Variants in PPP2R5C observed in about 807,000 individuals in gnomAD.
PPP2R5C encodes protein phosphatase 2 regulatory subunit B'gamma.
In PPP2R5C, 7 loss-of-function variants were observed where a neutral mutation model predicts 68.9. The observed-to-expected ratio is 0.10, with a 90% CI of 0.06 to 0.19. The LOEUF (loss-of-function observed/expected upper bound fraction) is 0.19. PPP2R5C is among the 10% of genes least tolerant of loss of function. PPP2R5C has a pLI of 1.00. For synonymous variants in PPP2R5C, 210 were observed against 222.2 expected, an observed-to-expected ratio of 0.95 and a Z score of 0.49; for missense variants, 348 against 641.3, an observed-to-expected ratio of 0.54 and a Z score of 4.94.
chr14:101,817,598 A>C (rs1049544656), intron 1 of PPP2R5C, among the ~76,000 whole-genome samples: 6 of 152,178 alleles, frequency 3.9e-5, no homozygotes, highest in Non-Finnish European at 5.9e-5. Context: ...AAGATAAGAT[A>C]AAACCAAAGT....
chr14:101,767,005 G>A (rs1005940490), intron 2 of PPP2R5C: 1 of 152,142 alleles, frequency 6.6e-6, no homozygotes, highest in African/African-American at 2.4e-5. Context: ...AAAGTGATTC[G>A]TTTTAAGCAC....
At chr14:101,841,434 C>T (rs951684562) in intron 1 of PPP2R5C, among the ~76,000 whole-genome samples, 10 of 152,188 alleles carry the variant, frequency 6.6e-5, no homozygotes, top group Non-Finnish European at 1.5e-4. Flanking sequence ...CTCTAGAGGA[C>T]AGCCTGTGGA....
chr14:101,856,522 T>C (rs565416347), intron 1 of PPP2R5C, among the ~76,000 whole-genome samples, 164 bp from the exon 4 acceptor site: 1 of 149,338 alleles, frequency 6.7e-6, no homozygotes. Context: ...AGCTGGGTTT[T>C]TTCGTTTTAT....
exon 14 of PPP2R5C, chr14:101,927,006 A>C (rs1459235393): frequency 6.6e-6 from 1 of 152,186 alleles, no homozygotes; most frequent in Non-Finnish European, 1.5e-5. Context: ...ACTATCATTA[A>C]AAAAAACAGT....
chr14:101,846,728 T>C (rs1157881968), intron 1 of PPP2R5C, among the ~76,000 whole-genome samples: 1 of 152,176 alleles, frequency 6.6e-6, no homozygotes. Flanking sequence ...CGGGTTTGCC[T>C]GGAAGAGGGC....
chr14:101,810,238 G>A, intron 1 of PPP2R5C: 1 of 579,092 alleles, frequency 1.7e-6, no homozygotes, highest in Non-Finnish European at 3.1e-6. Context: ...CTTGAAAGAG[G>A]CCTTGCATGC....
exon 14 of PPP2R5C, chr14:101,927,693 G>A (rs1182993210): frequency 1.3e-5 from 2 of 152,450 alleles, no homozygotes; most frequent in Non-Finnish European, 2.9e-5. Flanking sequence ...TTCATATTTT[G>A]TACAAAATGT....
At chr14:101,804,894 G>T (rs542193537) in intron 3 of PPP2R5C, among the ~76,000 whole-genome samples, 1 of 152,078 alleles carries the variant, frequency 6.6e-6, no homozygotes, top group South Asian at 2.1e-4. Flanking sequence ...AAGGATAAAC[G>T]CTTGAGGGGA....
chr14:101,761,829 G>A (rs1265593468), upstream of PPP2R5C: 2 of 988,432 alleles, frequency 2.0e-6, no homozygotes, highest in East Asian at 1.1e-4. Flanking sequence ...CCGGGGCGGG[G>A]GCGCTGCTGC....
chr14:101,778,344 C>T (rs537742132), intron 2 of PPP2R5C, among the ~76,000 whole-genome samples: 29 of 152,240 alleles, frequency 1.9e-4, no homozygotes, highest in African/African-American at 6.5e-4. Context: ...CAAATATGTT[C>T]TCCCATTCTG....
At chr14:101,778,459 A>G (rs923503665) in intron 2 of PPP2R5C, among the ~76,000 whole-genome samples, 1 of 152,214 alleles carries the variant, frequency 6.6e-6, no homozygotes, top group Non-Finnish European at 1.5e-5. Context: ...CCTTGGTGTC[A>G]TAGCTAAGAA....
intron 1 of PPP2R5C, chr14:101,833,516 AAC>A (rs2040882014): frequency 6.6e-6 from 1 of 152,230 alleles, no homozygotes; most frequent in East Asian, 1.9e-4. Context: ...ACCTTGGGTA[AAC>A]CATTGTTCTT....
intron 1 of PPP2R5C, among the ~76,000 whole-genome samples, chr14:101,839,824 C>T (rs2041347888): frequency 6.6e-6 from 1 of 152,146 alleles, no homozygotes; most frequent in Admixed American, 6.5e-5. Flanking sequence ...ACATGCTGGA[C>T]ACGGGGGTGT....
At chr14:101,925,348 C>T in exon 14 of PPP2R5C, 8 of 1,563,562 alleles carry the variant, frequency 5.1e-6, no homozygotes, top group East Asian at 2.3e-5. Context: ...CTTCCTGTGC[C>T]ATACCAATCA....
At chr14:101,907,479 T>C (rs2046107019) in intron 10 of PPP2R5C, among the ~76,000 whole-genome samples, 1 of 152,172 alleles carries the variant, frequency 6.6e-6, no homozygotes, top group Non-Finnish European at 1.5e-5. Flanking sequence ...TATTATTTAT[T>C]AATATGGTAT....
chr14:101,862,816 A>ATTTTTT (rs71116853), intron 2 of PPP2R5C, among the ~76,000 whole-genome samples: 1 of 127,238 alleles, frequency 7.9e-6, no homozygotes, highest in African/African-American at 2.9e-5. Context: ...GACATGATGG[A>ATTTTTT]TTTTTTTTTT....
intron 9 of PPP2R5C, among the ~76,000 whole-genome samples, chr14:101,903,040 T>C (rs1485130912): frequency 1.4e-5 from 2 of 144,952 alleles, no homozygotes; most frequent in Non-Finnish European, 3.0e-5. Flanking sequence ...TTTTCATCAA[T>C]CCTGGCCTAC....
At chr14:101,852,407 A>G (rs2042210986) in intron 1 of PPP2R5C, among the ~76,000 whole-genome samples, 1 of 151,544 alleles carries the variant, frequency 6.6e-6, no homozygotes, top group African/African-American at 2.4e-5. Context: ...GCTTCCCTTT[A>G]GTAAATACGT....
At chr14:101,779,248 G>A (rs1420282925) in intron 2 of PPP2R5C, among the ~76,000 whole-genome samples, 5 of 152,156 alleles carry the variant, frequency 3.3e-5, no homozygotes, top group African/African-American at 1.2e-4. Flanking sequence ...GCCTGCCTGA[G>A]TGTTGGCAGA....
Sources: allele counts gnomAD v4.1 joint callset (sites outside exome capture counted in the v4.1 genomes callset), GRCh38; gene constraint gnomAD v4.1.1; transcripts MANE v1.5; gene names NCBI Gene and HGNC (gene_info 2026-07-23, HGNC 2026-07-21).